The following PCDHGA4 variants were observed in gnomAD, a reference collection of about 807,000 sequenced individuals.
PCDHGA4 encodes the protein protocadherin gamma-A4.
Under a neutral mutation model 54.6 loss-of-function variants are expected in PCDHGA4, and 38 were observed. The observed-to-expected ratio is 0.70, with a 90% confidence interval of 0.54 to 0.91. The LOEUF (loss-of-function observed/expected upper bound fraction) is 0.91, where lower values mean the gene tolerates loss of function less well. PCDHGA4 is among the 40% of genes least tolerant of loss of function. The pLI is 0.00. For synonymous variants in PCDHGA4, 511 were observed against 512.9 expected (o/e 1.00, Z 0.05); for missense variants, 1,298 against 1,220.9 (o/e 1.06, Z -0.94).
chr5:141,356,666 A>T lies in PCDHGA4; in HGVS notation c.1559A>T (p.Tyr520Phe). 1 of 1,613,844 alleles carries T rather than the reference A, an allele frequency of 6.2e-7. No individual in the cohort carries two copies. Among genetic ancestry groups the T allele is most frequent in the Non-Finnish European group, 8.5e-7 (1 of 1,179,884 alleles). Residue 520 changes from tyrosine (Y) to phenylalanine (F), a missense_variant, in exon 1 of 4, where the codon TAC (tyrosine) becomes TTC (phenylalanine). Coordinates refer to ENST00000571252, the MANE Select transcript of PCDHGA4 (RefSeq NM_018917.4). Reference sequence around the variant, plus strand: ...AGTGGTGACAATGCCCGAATCACTTACTCCCTGGCCGAAGACACCTTCCAG... The same window carrying T: ...AGTGGTGACAATGCCCGAATCACTTTCTCCCTGGCCGAAGACACCTTCCAG... The part of the protein sequence containing the change: ...PDSGDNARIT[Y>F]SLAEDTFQGA...
rs755837851 is a variant in PCDHGA4, at chr5:141,376,241, C to G, written c.2514+18620C>G. On this transcript the variant is annotated intron_variant, in intron 1 of 3. Coordinates refer to ENST00000571252, the MANE Select transcript of PCDHGA4 (RefSeq NM_018917.4). ...GCTGGCGCTCAGACTGCAGCGCTGG[C>G]ACAAGTCACGCCTGCTGCAGGCTTC... 1.9e-6 allele frequency: 3 copies of G among 1,614,236 alleles called. No homozygotes were observed. The South Asian group carries it at 3.3e-5, about 18-fold the overall frequency.
chr5:141,420,256 T>C (rs377440259), intron 1 of PCDHGA4: 2 of 1,569,010 alleles, frequency 1.3e-6, no homozygotes, highest in Non-Finnish European at 1.7e-6. Flanking sequence ...TTGAAGCAGA[T>C]AAGAAGATTC....
chr5:141,455,936 C>T (rs1194722770), intron 1 of PCDHGA4, among the ~76,000 whole-genome samples: 3 of 151,422 alleles, frequency 2.0e-5, no homozygotes, highest in East Asian at 3.9e-4. Flanking sequence ...CTCGCTCTGT[C>T]GCCCAGGCTG....
At chr5:141,415,709 C>A in intron 1 of PCDHGA4, 1 of 1,092,276 alleles carries the variant, frequency 9.2e-7, no homozygotes, top group Non-Finnish European at 1.3e-6. Context: ...AATGCTAAAA[C>A]ACTGATGAGT....
At chr5:141,400,032 C>T (rs770927016) in intron 1 of PCDHGA4, 1 of 1,613,282 alleles carries the variant, frequency 6.2e-7, no homozygotes, top group Admixed American at 1.7e-5. Flanking sequence ...ACGCGGCCCG[C>T]CAGCGCCTGC....
rs1188870363 is a variant in PCDHGA4 at position 141,490,058 on chromosome 5, C to T, written c.2515-4749C>T. ...AATGCCACTGATCCAGACGAGGGCA[C>T]CAACGGCCAACTAGACTATTCTTTT... On this transcript the variant is annotated intron_variant, in intron 1 of 3. Coordinates refer to ENST00000571252, the MANE Select transcript of PCDHGA4 (RefSeq NM_018917.4). The surrounding 1 kb of genome is among the most constrained non-coding windows in gnomAD (Gnocchi z 5.4). The T allele has an allele frequency of 6.2e-7, 1 of 1,614,230 alleles. No individual in the cohort carries two copies. Among genetic ancestry groups the T allele is most frequent in the South Asian group, 1.1e-5 (1 of 91,084 alleles).
At chr5:141,397,960 A>C in intron 1 of PCDHGA4, 2 of 1,021,904 alleles carry the variant, frequency 2.0e-6, no homozygotes, top group East Asian at 2.6e-5. Context: ...GCCCCAGCTC[A>C]GACTCCCCAG....
At chr5:141,396,406 G>A (rs1245754617) in intron 1 of PCDHGA4, 2 of 152,190 alleles carry the variant, frequency 1.3e-5, no homozygotes, top group African/African-American at 4.8e-5. Context: ...ATCACCTGAG[G>A]TCAGGAGTTC....
chr5:141,364,399 G>C (rs747286948), intron 1 of PCDHGA4: 2 of 1,607,328 alleles, frequency 1.2e-6, no homozygotes, highest in Non-Finnish European at 1.7e-6. Flanking sequence ...TGGGGACGCT[G>C]TGCGAGCCAG....
Position 141,355,562 on chromosome 5 carries a change from T to C in PCDHGA4, c.455T>C (p.Val152Ala). 1 of 1,613,794 alleles carries C rather than the reference T, an allele frequency of 6.2e-7. No homozygotes were observed. The highest frequency in any genetic ancestry group is 8.5e-7 in the Non-Finnish European group (1 of 1,179,830). The change falls in exon 1 of 4, where the codon GTG (valine) becomes GCG (alanine). Residue 152 changes from valine (V) to alanine (A), a missense_variant. Transcript: ENST00000571252. Reference protein sequence around the residue: ...EDTVKILRVEVEIIDVNDNPP... With the variant: ...EDTVKILRVEAEIIDVNDNPP... ...ACAGTGAAGATTTTGCGGGTAGAGGTGGAAATAATCGATGTTAATGATAAC... is the reference window on the plus strand; with the variant it reads ...ACAGTGAAGATTTTGCGGGTAGAGGCGGAAATAATCGATGTTAATGATAAC...
intron 1 of PCDHGA4, among the ~76,000 whole-genome samples, chr5:141,369,622 ATTACCT>A (rs1766388164): frequency 6.6e-6 from 1 of 152,224 alleles, no homozygotes; most frequent in South Asian, 2.1e-4. Flanking sequence ...TCATTTCCTC[ATTACCT>A]TTAACTTCTT....
At chr5:141,363,093 G>A (rs992729487) in intron 1 of PCDHGA4, among the ~76,000 whole-genome samples, 1 of 152,222 alleles carries the variant, frequency 6.6e-6, no homozygotes, top group African/African-American at 2.4e-5. Context: ...ATTTCTAAAG[G>A]ACAGGCAATG....
Position 141,439,149 on chromosome 5 carries a change from C to T in PCDHGA4, c.2515-55658C>T, listed in dbSNP as rs543388568. Reference sequence around the variant, plus strand: ...CAGAGGTTGCAGTGAGCTGAGATCACGCCACTGCACTCCAGCCTGGGCGAC... The same window carrying T: ...CAGAGGTTGCAGTGAGCTGAGATCATGCCACTGCACTCCAGCCTGGGCGAC... On this transcript the variant is annotated intron_variant, in intron 1 of 3. Transcript: ENST00000571252. Among the ~76,000 whole-genome samples, 165 of 150,018 alleles carry T rather than the reference C, an allele frequency of 1.1e-3. 1 individual carries two copies. In the Middle Eastern group the frequency reaches 0.017, roughly 16 times the overall value.
chr5:141,380,050 C>A (rs112095214), intron 1 of PCDHGA4, among the ~76,000 whole-genome samples: 11,568 of 151,826 alleles, frequency 0.076, 586 homozygotes, highest in African/African-American at 0.14. Context: ...CAGGTGCATG[C>A]CACCATGCCT....
chr5:141,454,675 G>A (rs973403044), intron 1 of PCDHGA4, among the ~76,000 whole-genome samples: 8 of 151,764 alleles, frequency 5.3e-5, no homozygotes, highest in Non-Finnish European at 1.0e-4. Context: ...CAAAACACTG[G>A]GATTACAGGC....
At chr5:141,404,315 G>T (rs775576610) in intron 1 of PCDHGA4, 2 of 1,613,886 alleles carry the variant, frequency 1.2e-6, no homozygotes, top group African/African-American at 2.7e-5. Context: ...TTTCTCTCAA[G>T]CCTCCTACTC....
At chr5:141,405,659 G>T (rs867774573) in intron 1 of PCDHGA4, among the ~76,000 whole-genome samples, 1 of 152,106 alleles carries the variant, frequency 6.6e-6, no homozygotes, top group East Asian at 1.9e-4. Flanking sequence ...TGTGTTTTTA[G>T]TAGAGACGGG....
At chr5:141,403,831 G>T (rs1207086715) in intron 1 of PCDHGA4, 1 of 1,613,760 alleles carries the variant, frequency 6.2e-7, no homozygotes. Context: ...TGCTATTCCA[G>T]CTTAATGAAA....
chr5:141,393,381 A>G, intron 1 of PCDHGA4: 3 of 1,614,022 alleles, frequency 1.9e-6, no homozygotes, highest in South Asian at 1.1e-5. Flanking sequence ...CAATGGAGCC[A>G]TAAACCCAGA....
Sources: allele counts gnomAD v4.1 joint callset (sites outside exome capture counted in the v4.1 genomes callset), GRCh38; gene constraint gnomAD v4.1.1; non-coding constraint Gnocchi (gnomAD v3.1); transcripts MANE v1.5; gene names NCBI Gene and HGNC (gene_info 2026-07-23, HGNC 2026-07-21).